The following MAPKAP1 variants were observed in gnomAD, a reference collection of about 807,000 sequenced individuals.
MAPKAP1 encodes target of rapamycin complex 2 subunit MAPKAP1.
Under a neutral mutation model 65.7 loss-of-function variants are expected in MAPKAP1, and 20 were observed. The ratio of observed to expected loss-of-function variants is 0.30; its 90% CI spans 0.21 to 0.44. The LOEUF (loss-of-function observed/expected upper bound fraction) is 0.44. Ranked by LOEUF, MAPKAP1 falls within the 20% of genes least tolerant of loss-of-function variation. The pLI, the probability that MAPKAP1 is intolerant of heterozygous loss-of-function variation, is 1.00. For missense variants in MAPKAP1, 423 were observed against 648.0 expected, an observed-to-expected ratio of 0.65 and a Z score of 3.77; for synonymous variants, 222 against 244.3, an observed-to-expected ratio of 0.91 and a Z score of 0.85.
intron 4 of MAPKAP1, among the ~76,000 whole-genome samples, chr9:125,591,089 T>C (rs1831947780): frequency 1.3e-5 from 2 of 152,176 alleles, no homozygotes; most frequent in African/African-American, 4.8e-5. Context: ...CTTTATATTA[T>C]AGCTGAGAAA....
intron 1 of MAPKAP1, among the ~76,000 whole-genome samples, chr9:125,695,291 C>T (rs758044849): frequency 6.6e-6 from 1 of 152,154 alleles, no homozygotes; most frequent in Non-Finnish European, 1.5e-5. Context: ...CACCCCACGC[C>T]GGTAAAGAGC....
intron 7 of MAPKAP1, among the ~76,000 whole-genome samples, chr9:125,508,130 T>C (rs1014739517): frequency 1.4e-4 from 22 of 152,218 alleles, no homozygotes; most frequent in African/African-American, 5.3e-4. Context: ...CATGCCACTG[T>C]ACTCCAGCCT....
At chr9:125,653,057 G>A (rs1833936929) in intron 4 of MAPKAP1, among the ~76,000 whole-genome samples, 1 of 152,188 alleles carries the variant, frequency 6.6e-6, no homozygotes, top group African/African-American at 2.4e-5. Flanking sequence ...GATATTTGTT[G>A]AGTGTTTCCT....
chr9:125,479,530 A>G (rs1204153458), intron 9 of MAPKAP1, among the ~76,000 whole-genome samples: 1 of 151,752 alleles, frequency 6.6e-6, no homozygotes, highest in Non-Finnish European at 1.5e-5. Context: ...CAGTGAGCCG[A>G]GACTGTACCA....
chr9:125,560,048 C>T (rs1830846882), intron 5 of MAPKAP1, among the ~76,000 whole-genome samples: 1 of 152,170 alleles, frequency 6.6e-6, no homozygotes, highest in African/African-American at 2.4e-5. Flanking sequence ...TTGCAACATT[C>T]ACTGAGCCCT....
chr9:125,638,854 G>T (rs1372346533), intron 4 of MAPKAP1, among the ~76,000 whole-genome samples: 2 of 152,194 alleles, frequency 1.3e-5, no homozygotes, highest in Admixed American at 1.3e-4. Context: ...CAAAAGGAAC[G>T]ATCACCACCT....
At chr9:125,452,978 C>T (rs1374465679) in intron 10 of MAPKAP1, among the ~76,000 whole-genome samples, 2 of 152,166 alleles carry the variant, frequency 1.3e-5, no homozygotes, top group Non-Finnish European at 2.9e-5. Flanking sequence ...TAAAATAATA[C>T]ACCCATTACA....
At chr9:125,602,957 T>G (rs923360765) in intron 4 of MAPKAP1, among the ~76,000 whole-genome samples, 2 of 152,132 alleles carry the variant, frequency 1.3e-5, no homozygotes, top group African/African-American at 4.8e-5. Flanking sequence ...TACAGAGGTG[T>G]AAACATGGCT....
At chr9:125,553,120 C>A (rs1361083760) in intron 6 of MAPKAP1, among the ~76,000 whole-genome samples, 1 of 151,996 alleles carries the variant, frequency 6.6e-6, no homozygotes, top group Non-Finnish European at 1.5e-5. Flanking sequence ...GATATAGGCC[C>A]CTCCTCACTC....
intron 3 of MAPKAP1, among the ~76,000 whole-genome samples, chr9:125,668,121 C>A (rs1834393397): frequency 6.6e-6 from 1 of 152,166 alleles, no homozygotes; most frequent in Non-Finnish European, 1.5e-5. Flanking sequence ...GAAAATCATA[C>A]CTGCTAAGGA....
At chr9:125,527,111 C>T (rs553869455) in intron 7 of MAPKAP1, among the ~76,000 whole-genome samples, 3 of 151,852 alleles carry the variant, frequency 2.0e-5, no homozygotes, top group African/African-American at 4.8e-5. Flanking sequence ...GTCACCCAGG[C>T]TGGAGTACAG....
At chr9:125,514,481 T>C (rs529888975) in intron 7 of MAPKAP1, among the ~76,000 whole-genome samples, 2 of 152,256 alleles carry the variant, frequency 1.3e-5, no homozygotes, top group East Asian at 3.9e-4. Flanking sequence ...GCGATCATGG[T>C]TTGTTCTGTG....
At chr9:125,605,780 G>A (rs1169427345) in intron 4 of MAPKAP1, among the ~76,000 whole-genome samples, 3 of 152,158 alleles carry the variant, frequency 2.0e-5, no homozygotes, top group Admixed American at 2.0e-4. Context: ...GAACAACAAA[G>A]GAATAAAGTG....
intron 7 of MAPKAP1, among the ~76,000 whole-genome samples, chr9:125,540,864 T>C (rs1407956281): frequency 6.6e-6 from 1 of 152,210 alleles, no homozygotes; most frequent in African/African-American, 2.4e-5. Flanking sequence ...TTTTCCTCTT[T>C]TCATTAATCA....
intron 4 of MAPKAP1, chr9:125,652,239 G>T: frequency 1.6e-6 from 2 of 1,288,278 alleles, no homozygotes; most frequent in Admixed American, 2.0e-5. Context: ...ATAATTATCC[G>T]ACATAGACTG....
intron 4 of MAPKAP1, among the ~76,000 whole-genome samples, chr9:125,618,152 G>A (rs1832796227): frequency 6.6e-6 from 1 of 151,708 alleles, no homozygotes; most frequent in Admixed American, 6.6e-5. Flanking sequence ...GACCAGCGTG[G>A]CCTACATAGT....
rs770694292 is a variant in MAPKAP1 at position 125,585,766 on chromosome 9, C to T, written c.499-39G>A. 1.9e-6 allele frequency: 3 copies of T among 1,597,294 alleles called. No individual in the cohort carries two copies. The East Asian group carries it at 6.7e-5, about 36-fold the overall frequency. ...AAACACGTGAGAGCAAAGCACACTG[C>T]CAGTTATACAGACCCCACTGCTCTC... On this transcript the variant is annotated intron_variant, in intron 4 of 11. Coordinates refer to ENST00000265960, the MANE Select transcript of MAPKAP1 (RefSeq NM_001006617.3).
intron 10 of MAPKAP1, 47 bp from the exon 11 acceptor site, chr9:125,444,645 T>C (rs775558275): frequency 3.7e-6 from 5 of 1,359,888 alleles, no homozygotes; most frequent in Admixed American, 3.6e-5. Flanking sequence ...GAGTTAACTA[T>C]GGCGGGGGCC....
intron 10 of MAPKAP1, among the ~76,000 whole-genome samples, chr9:125,456,693 G>C (rs1802974704): frequency 6.6e-6 from 1 of 152,120 alleles, no homozygotes; most frequent in Non-Finnish European, 1.5e-5. Context: ...GAGAACTGAG[G>C]GTGTTCCCAA....
Sources: gnomAD v4.1 joint callset for allele counts (sites outside exome capture counted in the v4.1 genomes callset) on GRCh38, gnomAD v4.1.1 for gene constraint, MANE v1.5 for transcripts, NCBI Gene and HGNC (gene_info 2026-07-23, HGNC 2026-07-21) for gene names.